EYS: variants seen among roughly 807,000 people sequenced by gnomAD.
EYS encodes the protein EGF-like photoreceptor maintenance factor.
Under a neutral mutation model 282.1 loss-of-function variants are expected in EYS, and 250 were observed. That is an observed-to-expected ratio of 0.89 (90% CI 0.80 to 0.98). The LOEUF (loss-of-function observed/expected upper bound fraction) is 0.98, where lower values mean the gene tolerates loss of function less well. Among genes scored for constraint, EYS ranks in the 50% least tolerant of loss-of-function variants. EYS has a pLI of 0.00. For synonymous variants in EYS, 1,355 were observed against 1,282.9 expected (o/e 1.06, Z -1.20); for missense variants, 4,016 against 3,709.0 (o/e 1.08, Z -2.15).
intron 12 of EYS, among the ~76,000 whole-genome samples, chr6:65,189,488 C>A (rs1023730548): frequency 1.3e-4 from 20 of 151,756 alleles, no homozygotes; most frequent in Admixed American, 1.3e-3. Context: ...TTTGCAGGAG[C>A]AGTTTAATGT....
At chr6:63,848,970 C>A (rs112571392) in intron 36 of EYS, among the ~76,000 whole-genome samples, 18,304 of 152,194 alleles carry the variant, frequency 0.12, 1,322 homozygotes, top group African/African-American at 0.19. Context: ...AGTCTGAAGT[C>A]AACCTGGGAT....
chr6:65,291,905 C>T (rs1294577824), intron 12 of EYS, among the ~76,000 whole-genome samples: 1 of 151,524 alleles, frequency 6.6e-6, no homozygotes, highest in Non-Finnish European at 1.5e-5. Flanking sequence ...TGAAATTGAG[C>T]TTGACGTGAT....
intron 12 of EYS, among the ~76,000 whole-genome samples, chr6:65,259,741 T>C (rs928606258): frequency 3.9e-5 from 6 of 152,072 alleles, no homozygotes; most frequent in Non-Finnish European, 7.4e-5. Context: ...GACATATCTT[T>C]CAATTTCTAT....
intron 1 of EYS, among the ~76,000 whole-genome samples, chr6:65,643,783 T>C (rs1256754480): frequency 6.6e-6 from 1 of 152,044 alleles, no homozygotes; most frequent in African/African-American, 2.4e-5. Flanking sequence ...CAGAGCTCAG[T>C]ACCTCTGCTT....
chr6:63,952,902 C>T (rs1429188717), intron 35 of EYS, among the ~76,000 whole-genome samples: 1 of 152,152 alleles, frequency 6.6e-6, no homozygotes, highest in Non-Finnish European at 1.5e-5. Flanking sequence ...AGGATTAAAG[C>T]CCATTATCAC....
intron 35 of EYS, among the ~76,000 whole-genome samples, chr6:63,888,936 A>C (rs770631054): frequency 2.9e-4 from 44 of 152,222 alleles, no homozygotes; most frequent in Non-Finnish European, 1.0e-4. Flanking sequence ...CAGTTTAGAG[A>C]AGAACATAAA....
At chr6:65,524,148 A>G (rs1767472610) in intron 2 of EYS, among the ~76,000 whole-genome samples, 1 of 152,202 alleles carries the variant, frequency 6.6e-6, no homozygotes, top group Non-Finnish European at 1.5e-5. Flanking sequence ...CTGGGATTAC[A>G]GGCTTGAGCC....
chr6:64,081,299 C>T (rs1771956746), intron 32 of EYS, among the ~76,000 whole-genome samples: 1 of 151,940 alleles, frequency 6.6e-6, no homozygotes, highest in Non-Finnish European at 1.5e-5. Flanking sequence ...AGAAAGAAGC[C>T]CATACATTCT....
At chr6:64,395,783 T>TAA (rs1561970745) in intron 28 of EYS, among the ~76,000 whole-genome samples, 2 of 108,332 alleles carry the variant, frequency 1.8e-5, no homozygotes, top group East Asian at 2.7e-4. Context: ...TAAAGTATAA[T>TAA]TAAAAAAAAA....
At chr6:64,829,747 G>T (rs973920072) in intron 19 of EYS, among the ~76,000 whole-genome samples, 7 of 151,886 alleles carry the variant, frequency 4.6e-5, no homozygotes, top group Non-Finnish European at 7.4e-5. Context: ...ATGATGCTTT[G>T]TTCCCAATAG....
At chr6:65,454,397 A>T (rs74721517) in intron 5 of EYS, among the ~76,000 whole-genome samples, 1,671 of 151,968 alleles carry the variant, frequency 0.011, 30 homozygotes, top group African/African-American at 0.038. Context: ...ATATATTCTG[A>T]ATATAAATCC....
At position 65,076,683 on chromosome 6, in the gene EYS, T is replaced by C. The variant is rs532407875; in HGVS notation, c.2024-18956A>G. Among the ~76,000 whole-genome samples, 526 of 149,500 alleles carry C rather than the reference T, an allele frequency of 3.5e-3. 2 individuals are homozygous for C. The highest frequency in any genetic ancestry group is 7.0e-3 in the African/African-American group (288 of 40,868). ...GCATAAATATATACACATAAATATA[T>C]ACACACACACACACACACACACATA... On this transcript the variant is annotated intron_variant, in intron 12 of 42. Transcript: ENST00000503581.
At chr6:64,202,432 C>T (rs769877208) in intron 31 of EYS, among the ~76,000 whole-genome samples, 2 of 151,902 alleles carry the variant, frequency 1.3e-5, no homozygotes, top group East Asian at 1.9e-4. Context: ...TAGAAAAAAA[C>T]GAAGCAAGAA....
intron 12 of EYS, among the ~76,000 whole-genome samples, chr6:65,154,516 G>T (rs937682880): frequency 6.6e-6 from 1 of 151,442 alleles, no homozygotes; most frequent in Non-Finnish European, 1.5e-5. Context: ...CCGATATAAA[G>T]TAATTTTATA....
At chr6:64,711,791 T>A (rs1583069129) in intron 22 of EYS, among the ~76,000 whole-genome samples, 1 of 152,158 alleles carries the variant, frequency 6.6e-6, no homozygotes, top group Non-Finnish European at 1.5e-5. Flanking sequence ...GAAGTCAGGT[T>A]GTCTCTTCCC....
intron 22 of EYS, among the ~76,000 whole-genome samples, chr6:64,757,109 T>C (rs1236563001): frequency 6.6e-6 from 1 of 152,198 alleles, no homozygotes. Context: ...GTCTTCAATA[T>C]ATTTTTCTAT....
At chr6:65,684,471 T>C (rs1768938908) in intron 1 of EYS, among the ~76,000 whole-genome samples, 1 of 151,980 alleles carries the variant, frequency 6.6e-6, no homozygotes. Context: ...TCTCAAACAA[T>C]GTTTGCTGAG....
Position 63,721,439 on chromosome 6 carries a change from T to C in EYS, c.8592A>G (p.Gly2864=), listed in dbSNP as rs1296880177. 2.6e-6 allele frequency: 4 copies of C among 1,551,536 alleles called. No individual in the cohort carries two copies. In the Admixed American group the frequency reaches 7.8e-5, roughly 30 times the overall value. ...CACCTACATTTGAGCCACCTTTTGC[T>C]CCAAATTCAGTTAATTGTAATTCTT... The part of the protein sequence containing the change: ...NNQELQLTEF[G]AKGGSNVGDC... Residue 2864 remains glycine, a synonymous_variant, in exon 43 of 43, where the codon GGA becomes GGG. Coordinates refer to ENST00000503581, the MANE Select transcript of EYS (RefSeq NM_001142800.2).
chr6:64,593,071 C>A, intron 25 of EYS, 46 bp downstream of exon 25: 1 of 1,376,552 alleles, frequency 7.3e-7, no homozygotes, highest in Non-Finnish European at 9.6e-7. Flanking sequence ...TACCACACAA[C>A]TTTTTCAAAC....
Sources: gnomAD v4.1 joint callset for allele counts (sites outside exome capture counted in the v4.1 genomes callset) on GRCh38, gnomAD v4.1.1 for gene constraint, MANE v1.5 for transcripts, NCBI Gene and HGNC (gene_info 2026-07-23, HGNC 2026-07-21) for gene names.